The following MAML2 variants were observed in gnomAD, a reference collection of about 807,000 sequenced individuals.
The protein encoded by MAML2 is mastermind like transcriptional coactivator 2.
Under a neutral mutation model 96.1 loss-of-function variants are expected in MAML2, and 22 were observed. That is an observed-to-expected ratio of 0.23 (90% CI 0.16 to 0.33). MAML2 has a LOEUF of 0.33. Ranked by LOEUF, MAML2 falls within the 10% of genes least tolerant of loss-of-function variation. MAML2 has a pLI of 1.00. For synonymous variants in MAML2, 561 were observed against 521.3 expected, an observed-to-expected ratio of 1.08 and a Z score of -1.04; for missense variants, 1,367 against 1,392.4, an observed-to-expected ratio of 0.98 and a Z score of 0.29.
chr11:96,326,810 C>T (rs1455905718), intron 1 of MAML2, among the ~76,000 whole-genome samples: 1 of 151,134 alleles, frequency 6.6e-6, no homozygotes, highest in African/African-American at 2.5e-5. Context: ...AAAAAACTAT[C>T]TTGAGTTTAA....
intron 1 of MAML2, among the ~76,000 whole-genome samples, chr11:96,183,396 C>CT (rs369639237): frequency 0.022 from 1,712 of 77,712 alleles, 48 homozygotes; most frequent in African/African-American, 0.081. Flanking sequence ...CCGTTCCTCC[C>CT]CCCCCCCCCT....
At chr11:96,327,871 G>A (rs1244245038) in intron 1 of MAML2, among the ~76,000 whole-genome samples, 7 of 151,864 alleles carry the variant, frequency 4.6e-5, no homozygotes, top group Non-Finnish European at 7.4e-5. Flanking sequence ...CAAGGCAGGC[G>A]GATCACCTGA....
rs985705868 is a variant in MAML2, at chr11:96,313,580, C to A, written c.513+27803G>T. On this transcript the variant is annotated intron_variant, in intron 1 of 4. Transcript: ENST00000524717. ...CTTTTTCCTTCCTCTTTATAGCCTG[C>A]CTTTCTCCCATTAAAGACTCCTCTT... Among the ~76,000 whole-genome samples, 10 of 152,258 alleles carry A rather than the reference C, an allele frequency of 6.6e-5. 1 individual carries two copies. The South Asian group carries it at 2.1e-3, about 32-fold the overall frequency.
chr11:96,222,119 C>T (rs1019298365), intron 1 of MAML2, among the ~76,000 whole-genome samples: 1 of 152,120 alleles, frequency 6.6e-6, no homozygotes, highest in African/African-American at 2.4e-5. Context: ...GCCTCTCTTC[C>T]AATATCATCC....
At chr11:96,053,488 C>A (rs977827960) in intron 2 of MAML2, among the ~76,000 whole-genome samples, 1 of 152,174 alleles carries the variant, frequency 6.6e-6, no homozygotes, top group Non-Finnish European at 1.5e-5. Flanking sequence ...AGAGAATAGA[C>A]CAGCAGCTGT....
rs488631 is a variant in MAML2 at position 96,212,150 on chromosome 11, T to G, written c.514-118633A>C. Among the ~76,000 whole-genome samples the G allele has an allele frequency of 1.8e-3, 236 of 127,574 alleles. 1 individual carries two copies. The highest frequency in any genetic ancestry group is 6.6e-3 in the East Asian group (27 of 4,080). 83.7% of individuals were successfully genotyped at this position (127,574 alleles called of 152,430 possible). The stretch of plus-strand genomic sequence containing the variant: ...GTGTGTGTGTGTGTGTGTGTGTGTG[T>G]GGAAGGGGGACTCGTAATCTCATTT... On this transcript the variant is annotated intron_variant, in intron 1 of 4. Coordinates refer to ENST00000524717, the MANE Select transcript of MAML2 (RefSeq NM_032427.4).
chr11:96,026,427 T>G (rs933144849), intron 2 of MAML2, among the ~76,000 whole-genome samples: 1 of 152,174 alleles, frequency 6.6e-6, no homozygotes, highest in Non-Finnish European at 1.5e-5. Context: ...GGCCATCATT[T>G]TAAGTCTCTC....
At chr11:96,060,195 A>G (rs1438629242) in intron 2 of MAML2, among the ~76,000 whole-genome samples, 1 of 152,236 alleles carries the variant, frequency 6.6e-6, no homozygotes, top group Non-Finnish European at 1.5e-5. Context: ...GTAAGGTTAT[A>G]AATGCAATAA....
At chr11:96,157,708 T>C (rs1390516954) in intron 1 of MAML2, among the ~76,000 whole-genome samples, 2 of 152,228 alleles carry the variant, frequency 1.3e-5, no homozygotes, top group Non-Finnish European at 2.9e-5. Flanking sequence ...ATCTAATCCC[T>C]ACACAGAATA....
At chr11:96,021,855 T>C (rs975126075) in intron 2 of MAML2, among the ~76,000 whole-genome samples, 1 of 152,234 alleles carries the variant, frequency 6.6e-6, no homozygotes, top group Non-Finnish European at 1.5e-5. Context: ...AGGGATGCCA[T>C]GTCCTGCCTC....
chr11:96,139,875 C>G (rs1295175574), intron 1 of MAML2, among the ~76,000 whole-genome samples: 1 of 152,184 alleles, frequency 6.6e-6, no homozygotes, highest in Non-Finnish European at 1.5e-5. Context: ...ACTCTTTCCA[C>G]CCACATCTAC....
At chr11:96,164,805 C>CA (rs1861166234) in intron 1 of MAML2, among the ~76,000 whole-genome samples, 1 of 152,140 alleles carries the variant, frequency 6.6e-6, no homozygotes, top group East Asian at 1.9e-4. Flanking sequence ...AAAGCAAGCA[C>CA]AAAAAATGTC....
Position 95,998,993 on chromosome 11 carries a change from T to C in MAML2, c.2140-7270A>G, listed in dbSNP as rs188236242. The stretch of plus-strand genomic sequence containing the variant: ...ATGAACTCTTTTAAATGGGTACCCT[T>C]TTTCCTTAGAAGACAAATTACCTGT... On this transcript the variant is annotated intron_variant, in intron 2 of 4. Transcript: ENST00000524717. Among the ~76,000 whole-genome samples the C allele has an allele frequency of 2.4e-4, 36 of 152,268 alleles. No homozygotes were observed. In the East Asian group the frequency reaches 5.0e-3, roughly 21 times the overall value.
At chr11:96,080,816 T>G (rs1049557981) in intron 2 of MAML2, among the ~76,000 whole-genome samples, 2 of 152,214 alleles carry the variant, frequency 1.3e-5, no homozygotes, top group Admixed American at 1.3e-4. Context: ...TTTTGTTCTA[T>G]CTGAAGGAGT....
chr11:96,102,476 G>A (rs1482532331), intron 1 of MAML2, among the ~76,000 whole-genome samples: 1 of 152,108 alleles, frequency 6.6e-6, no homozygotes, highest in Non-Finnish European at 1.5e-5. Flanking sequence ...AAGAAAGCTA[G>A]AAAAGGAATC....
chr11:96,043,542 G>A (rs1341691377), intron 2 of MAML2, among the ~76,000 whole-genome samples: 1 of 152,208 alleles, frequency 6.6e-6, no homozygotes, highest in Non-Finnish European at 1.5e-5. Flanking sequence ...AACTTATGCT[G>A]CACACAGATG....
chr11:96,036,714 A>G (rs958351373), intron 2 of MAML2, among the ~76,000 whole-genome samples: 8 of 152,292 alleles, frequency 5.3e-5, no homozygotes, highest in South Asian at 4.1e-4. Flanking sequence ...CATTGTAAAA[A>G]TAACTCCGGG....
At chr11:96,267,882 C>T (rs763538148) in intron 1 of MAML2, among the ~76,000 whole-genome samples, 5 of 152,232 alleles carry the variant, frequency 3.3e-5, no homozygotes, top group Admixed American at 3.3e-4. Flanking sequence ...TGTGATTGCT[C>T]ACTCAGCCCA....
rs147711643 is a variant in MAML2, at chr11:96,263,376, G to A, written c.513+78007C>T. On this transcript the variant is annotated intron_variant, in intron 1 of 4. Transcript: ENST00000524717. ...GGAATAAACAGACTGAATCAAAAAA[G>A]GTTAAAGCTATTACAATTCAACAAT... Among the ~76,000 whole-genome samples, 24 of 152,242 alleles carry A rather than the reference G, an allele frequency of 1.6e-4. No individual in the cohort carries two copies. In the East Asian group the frequency reaches 3.5e-3, roughly 22 times the overall value.
Sources: gnomAD v4.1 joint callset for allele counts (sites outside exome capture counted in the v4.1 genomes callset) on GRCh38, gnomAD v4.1.1 for gene constraint, MANE v1.5 for transcripts, NCBI Gene and HGNC (gene_info 2026-07-23, HGNC 2026-07-21) for gene names.